The following LSAMP variants were observed in gnomAD, a reference collection of about 807,000 sequenced individuals.
LSAMP encodes the protein limbic system associated membrane protein.
A neutral mutation model predicts 38.6 loss-of-function variants in LSAMP; 7 were observed. The ratio of observed to expected loss-of-function variants is 0.18; its 90% CI spans 0.10 to 0.34. LSAMP has a LOEUF of 0.34. Among genes scored for constraint, LSAMP ranks in the 10% least tolerant of loss-of-function variants. The probability of loss-of-function intolerance (pLI) is 1.00; values close to 1 mark genes in which losing one functional copy is unlikely to be tolerated. For missense variants in LSAMP, 313 were observed against 420.0 expected, an observed-to-expected ratio of 0.75 and a Z score of 2.23; for synonymous variants, 154 against 166.8, an observed-to-expected ratio of 0.92 and a Z score of 0.59.
At chr3:116,295,145 A>T (rs2047314023) in intron 1 of LSAMP, among the ~76,000 whole-genome samples, 1 of 152,246 alleles carries the variant, frequency 6.6e-6, no homozygotes, top group Non-Finnish European at 1.5e-5. Flanking sequence ...GTTGAGAGAA[A>T]AAGAAAAAGT....
intron 1 of LSAMP, chr3:116,369,694 C>T (rs924208691): frequency 2.6e-5 from 4 of 152,266 alleles, no homozygotes; most frequent in African/African-American, 9.7e-5. Context: ...AACATCTCAA[C>T]TCCCTCCCCT....
At chr3:116,413,820 C>G (rs1015324751) in intron 1 of LSAMP, among the ~76,000 whole-genome samples, 1 of 151,570 alleles carries the variant, frequency 6.6e-6, no homozygotes, top group African/African-American at 2.4e-5. Flanking sequence ...CAAAAGTCTT[C>G]CTAGCATATT....
intron 1 of LSAMP, among the ~76,000 whole-genome samples, chr3:116,267,821 G>T (rs2046912228): frequency 6.6e-6 from 1 of 152,082 alleles, no homozygotes; most frequent in Non-Finnish European, 1.5e-5. Flanking sequence ...GTATTAATGG[G>T]TGAGCGATGA....
chr3:116,442,875 T>C (rs1325523842), intron 1 of LSAMP, among the ~76,000 whole-genome samples: 4 of 152,196 alleles, frequency 2.6e-5, no homozygotes, highest in Non-Finnish European at 5.9e-5. Flanking sequence ...CAAAAGCACA[T>C]ATGTATCATC....
intron 1 of LSAMP, among the ~76,000 whole-genome samples, chr3:116,296,190 T>G (rs976119500): frequency 1.3e-5 from 2 of 152,204 alleles, no homozygotes; most frequent in Non-Finnish European, 2.9e-5. Context: ...AAGAAGACTT[T>G]CTTCTTAGCT....
chr3:116,285,626 T>A (rs975629438), intron 1 of LSAMP, among the ~76,000 whole-genome samples: 1 of 152,172 alleles, frequency 6.6e-6, no homozygotes, highest in Admixed American at 6.5e-5. Context: ...AAACAAGTGA[T>A]GGTATTTGCT....
At chr3:116,239,029 C>T (rs778958260) in intron 1 of LSAMP, among the ~76,000 whole-genome samples, 8 of 152,126 alleles carry the variant, frequency 5.3e-5, no homozygotes, top group Non-Finnish European at 1.0e-4. Context: ...TAGTTCTCTC[C>T]ACGTGGCTAG....
At chr3:116,270,176 T>A (rs1229818557) in intron 1 of LSAMP, among the ~76,000 whole-genome samples, 3 of 152,248 alleles carry the variant, frequency 2.0e-5, no homozygotes, top group African/African-American at 7.2e-5. Context: ...ATGAAACATG[T>A]CCTAATAAGT....
intron 1 of LSAMP, among the ~76,000 whole-genome samples, chr3:116,241,291 G>A (rs761148902): frequency 1.3e-5 from 2 of 151,790 alleles, no homozygotes; most frequent in Non-Finnish European, 2.9e-5. Flanking sequence ...TTGGCCGGGC[G>A]CAGTGGCTCA....
intron 3 of LSAMP, among the ~76,000 whole-genome samples, chr3:116,004,529 T>TATAG (rs774120582): frequency 6.7e-6 from 1 of 148,588 alleles, no homozygotes; most frequent in Non-Finnish European, 1.5e-5. Context: ...TGTGTATATA[T>TATAG]ATATATACAC....
intron 1 of LSAMP, among the ~76,000 whole-genome samples, chr3:116,229,091 T>G (rs534614118): frequency 6.6e-6 from 1 of 152,114 alleles, no homozygotes; most frequent in Non-Finnish European, 1.5e-5. Context: ...TTTGTAAGCT[T>G]TTTCATGGGA....
intron 1 of LSAMP, among the ~76,000 whole-genome samples, chr3:116,400,470 CCTTTTCTTT>C (rs1242192295): frequency 1.5e-5 from 2 of 136,532 alleles, no homozygotes; most frequent in African/African-American, 2.7e-5. Flanking sequence ...CTCCTTCCTT[CCTTTTCTTT>C]CTTTTCTTTC....
intron 2 of LSAMP, among the ~76,000 whole-genome samples, chr3:116,083,599 AG>A (rs1707918254): frequency 6.6e-6 from 1 of 152,196 alleles, no homozygotes; most frequent in African/African-American, 2.4e-5. Context: ...TGTAAGGAAA[AG>A]GAATACAGTA....
intron 1 of LSAMP, among the ~76,000 whole-genome samples, chr3:116,260,404 A>G (rs938082413): frequency 6.6e-6 from 1 of 151,942 alleles, no homozygotes; most frequent in Non-Finnish European, 1.5e-5. Flanking sequence ...CGAATAATAT[A>G]TAAATAATAA....
intron 3 of LSAMP, among the ~76,000 whole-genome samples, chr3:115,891,910 A>C (rs1936609724): frequency 1.3e-5 from 2 of 151,930 alleles, no homozygotes; most frequent in South Asian, 4.1e-4. Context: ...AAGTGATATG[A>C]TTATGATGTT....
chr3:115,874,219 C>T (rs1936124046), intron 3 of LSAMP, among the ~76,000 whole-genome samples: 1 of 152,082 alleles, frequency 6.6e-6, no homozygotes, highest in South Asian at 2.1e-4. Context: ...CTCTCCTCCT[C>T]CAAAAAGACA....
chr3:115,871,904 A>G (rs1245684091), intron 3 of LSAMP, among the ~76,000 whole-genome samples: 1 of 152,010 alleles, frequency 6.6e-6, no homozygotes, highest in East Asian at 1.9e-4. Context: ...ATATTCCTAC[A>G]CTCTGTAGCA....
chr3:115,971,133 G>A (rs1939005570), intron 3 of LSAMP, among the ~76,000 whole-genome samples: 1 of 152,138 alleles, frequency 6.6e-6, no homozygotes, highest in African/African-American at 2.4e-5. Context: ...TAGGGCTGGA[G>A]GAGAAGCTAT....
rs1409685565 is a variant in LSAMP at position 116,113,418 on chromosome 3, A to ATT, written c.156-26863_156-26862insAA. Among the ~76,000 whole-genome samples the ATT allele has an allele frequency of 7.6e-3, 423 of 55,392 alleles. 1 individual carries two copies. Among genetic ancestry groups the ATT allele is most frequent in the South Asian group, 0.011 (17 of 1,552 alleles). The allele number at this position is 55,392 out of a possible 152,430, so 36.3% of individuals were successfully genotyped here. On this transcript the variant is annotated intron_variant, in intron 1 of 6. Transcript: ENST00000490035. ...GTTTGCCCTATATATATATATATAT[A>ATT]TATTTTTTTTTTTTTTTTTTTTTTT...
Sources: allele counts gnomAD v4.1 joint callset (sites outside exome capture counted in the v4.1 genomes callset), GRCh38; gene constraint gnomAD v4.1.1; transcripts MANE v1.5; gene names NCBI Gene and HGNC (gene_info 2026-07-23, HGNC 2026-07-21).